Variants in GRM1 observed in about 807,000 individuals in gnomAD.
GRM1 encodes the protein glutamate metabotropic receptor 1.
A neutral mutation model predicts 90.9 loss-of-function variants in GRM1; 33 were observed. The observed-to-expected ratio is 0.36, with a 90% CI of 0.28 to 0.49. The LOEUF (loss-of-function observed/expected upper bound fraction) is 0.49, where lower values mean the gene tolerates loss of function less well. Ranked by LOEUF, GRM1 falls within the 20% of genes least tolerant of loss-of-function variation. The pLI is 0.99. For synonymous variants in GRM1, 700 were observed against 613.2 expected, an observed-to-expected ratio of 1.14 and a Z score of -2.09; for missense variants, 1,190 against 1,534.3, an observed-to-expected ratio of 0.78 and a Z score of 3.75.
Position 146,159,403 on chromosome 6 carries a change from C to G in GRM1, c.756C>G (p.Gly252=). The part of the protein sequence containing the change: ...DAFKELAAQE[G]LCIAHSDKIY... ...TCAAAGAGCTGGCTGCCCAGGAAGGCCTCTGTATCGCCCATTCTGACAAAA... is the reference window on the plus strand; with the variant it reads ...TCAAAGAGCTGGCTGCCCAGGAAGGGCTCTGTATCGCCCATTCTGACAAAA... Residue 252 remains glycine, a synonymous_variant, in exon 2 of 8, where the codon GGC becomes GGG. Coordinates refer to ENST00000282753, the MANE Select transcript of GRM1 (RefSeq NM_001278064.2). 6.2e-7 allele frequency: 1 copy of G among 1,614,156 alleles called. No individual in the cohort carries two copies. The highest frequency in any genetic ancestry group is 8.5e-7 in the Non-Finnish European group (1 of 1,179,986).
chr6:146,389,292 T>C (rs1207786718), intron 6 of GRM1, among the ~76,000 whole-genome samples: 1 of 152,044 alleles, frequency 6.6e-6, no homozygotes, highest in Non-Finnish European at 1.5e-5. Flanking sequence ...GGTACAAAGA[T>C]TTTTCTCTTG....
rs532102834 is a variant in GRM1 at position 146,111,819 on chromosome 6, G to C, written c.701-47529G>C. 5.3e-5 allele frequency among the ~76,000 whole-genome samples: 8 copies of C among 152,332 alleles called. No individual in the cohort carries two copies. In the South Asian group the frequency reaches 1.0e-3, roughly 20 times the overall value. On this transcript the variant is annotated intron_variant, in intron 1 of 7. Transcript: ENST00000282753. ...AGAAGGGTAACAAGGCTCTCTGGCT[G>C]TTGGGGGTGTTGAATGGATTAACAC...
Position 146,434,839 on chromosome 6 carries a change from T to C in GRM1, c.*43T>C. ...AGAAAAGCAAGACAAGCCAGAGATC[T>C]CCCACACCTCCAGAGATGTGCAAAC... On this transcript the variant is annotated 3_prime_UTR_variant, in exon 8 of 8. Transcript: ENST00000282753. 6.7e-7 allele frequency: 1 copy of C among 1,495,920 alleles called. No homozygotes were observed. Among genetic ancestry groups the C allele is most frequent in the Non-Finnish European group, 9.2e-7 (1 of 1,086,578 alleles). 92.7% of individuals were successfully genotyped at this position (1,495,920 alleles called of 1,614,324 possible). A position where few individuals can be genotyped will look rare whatever the true frequency, so the allele number is the denominator to read the frequency against.
intron 1 of GRM1, among the ~76,000 whole-genome samples, chr6:146,118,508 T>A (rs1467538001): frequency 1.3e-5 from 2 of 152,198 alleles, no homozygotes; most frequent in African/African-American, 4.8e-5. Context: ...TACATACGTA[T>A]ATATGTGCCA....
rs1025724709 is a variant in GRM1, at chr6:146,035,970, G to A, written c.700+5753G>A. Among the ~76,000 whole-genome samples, 11 of 151,918 alleles carry A rather than the reference G, an allele frequency of 7.2e-5. 1 individual carries two copies. Among genetic ancestry groups the A allele is most frequent in the African/African-American group, 4.8e-5 (2 of 41,396 alleles). ...TGCCACACAATCACCCTGTGACTAC[G>A]TTTATCTTGCTGCAAATTTTATAAG... On this transcript the variant is annotated intron_variant, in intron 1 of 7. Coordinates refer to ENST00000282753, the MANE Select transcript of GRM1 (RefSeq NM_001278064.2).
intron 1 of GRM1, 117 bp from the exon 2 acceptor site, chr6:146,159,231 C>T: frequency 8.3e-7 from 1 of 1,207,940 alleles, no homozygotes. Flanking sequence ...GCCATATTTA[C>T]AAATTATTTG....
At chr6:146,260,804 G>GTTTTTTTTTTTTTTTTTTTTTTTTTT (rs56956724) in intron 2 of GRM1, among the ~76,000 whole-genome samples, 2 of 22,738 alleles carry the variant, frequency 8.8e-5, no homozygotes, top group African/African-American at 3.4e-4. Context: ...GGTTATTTGG[G>GTTTTTTTTTTTTTTTTTTTTTTTTTT]TTTTTTTTTT....
intron 1 of GRM1, among the ~76,000 whole-genome samples, chr6:146,112,248 C>T (rs1775586695): frequency 6.7e-6 from 1 of 150,172 alleles, no homozygotes; most frequent in Non-Finnish European, 1.5e-5. Context: ...AATTACCATT[C>T]TGGAATAACA....
Position 146,384,409 on chromosome 6 carries a change from TTAA to T in GRM1, c.1603-2476_1603-2474del, listed in dbSNP as rs1328195341. On this transcript the variant is annotated intron_variant, in intron 5 of 7. Coordinates refer to ENST00000282753, the MANE Select transcript of GRM1 (RefSeq NM_001278064.2). Reference sequence around the variant, plus strand: ...GTAAAAGCTCTTGGAAGGTCATGTCTTAATAATGAGGCTAAACTATTCCTCAAA... The same window carrying T: ...GTAAAAGCTCTTGGAAGGTCATGTCTTAATGAGGCTAAACTATTCCTCAAA... Among the ~76,000 whole-genome samples, 19 of 152,230 alleles carry T rather than the reference TTAA, an allele frequency of 1.2e-4. No individual in the cohort carries two copies. In the East Asian group the frequency reaches 3.7e-3, roughly 29 times the overall value.
intron 2 of GRM1, among the ~76,000 whole-genome samples, chr6:146,168,651 T>TC: frequency 2.0e-5 from 3 of 152,108 alleles, no homozygotes; most frequent in African/African-American, 7.2e-5. Flanking sequence ...CTGAGACACA[T>TC]TTTCTTCTAC....
At chr6:146,122,839 CTTTTTTTTTTTTT>C (rs57859188) in intron 1 of GRM1, among the ~76,000 whole-genome samples, 1 of 62,200 alleles carries the variant, frequency 1.6e-5, no homozygotes, top group Non-Finnish European at 2.9e-5. Context: ...TCTTTTCTTT[CTTTTTTTTTTTTT>C]TTTTTTTTTT....
At chr6:146,164,930 CT>C (rs201746606) in intron 2 of GRM1, among the ~76,000 whole-genome samples, 106 of 146,742 alleles carry the variant, frequency 7.2e-4, no homozygotes, top group Admixed American at 7.5e-4. Context: ...CTGACTACAT[CT>C]TTTTTTTTTT....
intron 1 of GRM1, among the ~76,000 whole-genome samples, chr6:146,118,728 A>G (rs1310818450): frequency 6.6e-6 from 1 of 152,148 alleles, no homozygotes; most frequent in Non-Finnish European, 1.5e-5. Context: ...GCTGAGAATG[A>G]TGGTTTCCAG....
chr6:146,046,064 C>G (rs1036428481), intron 1 of GRM1, among the ~76,000 whole-genome samples: 11 of 151,986 alleles, frequency 7.2e-5, no homozygotes, highest in Admixed American at 6.6e-4. Flanking sequence ...AGCCAGGAAA[C>G]TGCTTTAAGT....
intron 2 of GRM1, among the ~76,000 whole-genome samples, chr6:146,279,919 C>T (rs1295659329): frequency 6.6e-6 from 1 of 151,814 alleles, no homozygotes; most frequent in African/African-American, 2.4e-5. Context: ...ATCTGGCTGC[C>T]TTTGAGATTT....
chr6:146,344,688 C>T (rs971204268), intron 3 of GRM1, among the ~76,000 whole-genome samples: 11 of 152,192 alleles, frequency 7.2e-5, no homozygotes, highest in Non-Finnish European at 1.5e-4. Flanking sequence ...CTCACAATTA[C>T]GACACTGAGA....
intron 3 of GRM1, among the ~76,000 whole-genome samples, chr6:146,339,747 T>C (rs1784903597): frequency 1.3e-5 from 2 of 152,042 alleles, no homozygotes. Context: ...ACAAAGAAGG[T>C]TTTGCAAATT....
intron 5 of GRM1, among the ~76,000 whole-genome samples, chr6:146,381,191 G>C (rs943995662): frequency 2.0e-5 from 3 of 152,116 alleles, no homozygotes; most frequent in African/African-American, 7.2e-5. Flanking sequence ...TCAGCCCTAG[G>C]ACTCACCTAA....
chr6:146,386,809 A>G (rs1053027891), intron 5 of GRM1, 81 bp from the exon 6 acceptor site: 6 of 1,074,812 alleles, frequency 5.6e-6, no homozygotes, highest in African/African-American at 4.7e-5. Context: ...TTTATTCATA[A>G]TCTGAAAACA....
Sources: gnomAD v4.1 joint callset for allele counts (sites outside exome capture counted in the v4.1 genomes callset) on GRCh38, gnomAD v4.1.1 for gene constraint, MANE v1.5 for transcripts, NCBI Gene and HGNC (gene_info 2026-07-23, HGNC 2026-07-21) for gene names.